Variants in BCO2 observed in about 807,000 individuals in gnomAD.
BCO2 encodes carotenoid-cleaving dioxygenase, mitochondrial.
Under a neutral mutation model 65.8 loss-of-function variants are expected in BCO2, and 56 were observed. The ratio of observed to expected loss-of-function variants is 0.85; its 90% CI spans 0.69 to 1.06. The LOEUF (loss-of-function observed/expected upper bound fraction) is 1.06, where lower values mean the gene tolerates loss of function less well. Among genes scored for constraint, BCO2 ranks in the 50% least tolerant of loss-of-function variants. The pLI is 0.00. For missense variants in BCO2, 675 were observed against 698.5 expected (o/e 0.97, Z 0.38); for synonymous variants, 233 against 242.3 (o/e 0.96, Z 0.36).
At chr11:112,193,360 G>A in intron 2 of BCO2, 114 bp from the exon 3 acceptor site, 1 of 994,736 alleles carries the variant, frequency 1.0e-6, no homozygotes, top group Non-Finnish European at 1.5e-6. Context: ...AGGTTGTGCT[G>A]GGAACCTGTC....
Position 112,193,584 on chromosome 11 carries a change from G to A in BCO2, c.404G>A (p.Ser135Asn). 6.2e-7 allele frequency: 1 copy of A among 1,614,164 alleles called. No homozygotes were observed. Among genetic ancestry groups the A allele is most frequent in the Non-Finnish European group, 8.5e-7 (1 of 1,180,010 alleles). Residue 135 changes from serine (S) to asparagine (N), a missense_variant, in exon 3 of 12, where the codon AGT (serine) becomes AAT (asparagine). Coordinates refer to ENST00000357685, the MANE Select transcript of BCO2 (RefSeq NM_031938.7). ...FLQSDTYKANSAKNRIVISEF... is the reference protein window; with the variant it reads ...FLQSDTYKANNAKNRIVISEF... ...CAGAGTGATACATATAAGGCCAACA[G>A]TGCTAAAAACCGAATTGTGATCTCA...
chr11:112,193,776 T>G, intron 3 of BCO2, 79 bp downstream of exon 3: 1 of 1,539,660 alleles, frequency 6.5e-7, no homozygotes, highest in Non-Finnish European at 9.0e-7. Flanking sequence ...GATTTTTTTG[T>G]GTATGTGAGA....
chr11:112,216,922 G>A (rs1483816857), intron 11 of BCO2, among the ~76,000 whole-genome samples: 1 of 152,202 alleles, frequency 6.6e-6, no homozygotes, highest in Non-Finnish European at 1.5e-5. Context: ...CCTTTTAAGG[G>A]TTCAGTAAGA....
At chr11:112,192,264 C>T (rs1867412630) in intron 2 of BCO2, among the ~76,000 whole-genome samples, 2 of 152,232 alleles carry the variant, frequency 1.3e-5, no homozygotes, top group South Asian at 4.1e-4. Context: ...GACAGGATTT[C>T]CTTTGTTTTA....
chr11:112,215,791 T>TC (rs1248825100), intron 10 of BCO2: 2 of 158,768 alleles, frequency 1.3e-5, no homozygotes, highest in Non-Finnish European at 2.8e-5. Context: ...GGCTCATAGT[T>TC]CTGTGGGATG....
At position 112,175,593 on chromosome 11, in the gene BCO2, A is replaced by T. The variant is rs1866861509; in HGVS notation, c.-9A>T. 2 of 1,606,152 alleles carry T rather than the reference A, an allele frequency of 1.2e-6. No homozygotes were observed. The highest frequency in any genetic ancestry group is 2.7e-5 in the African/African-American group (2 of 74,884). On this transcript the variant is annotated 5_prime_UTR_variant, in exon 1 of 12. Coordinates refer to ENST00000357685, the MANE Select transcript of BCO2 (RefSeq NM_031938.7). ...GATTTGGAAATCACTGGATCTGCTC[A>T]ATACAAAAATGTTTTTTCGAGTCTT...
chr11:112,180,250 G>A (rs925034819), intron 2 of BCO2, among the ~76,000 whole-genome samples: 5 of 152,138 alleles, frequency 3.3e-5, no homozygotes, highest in Non-Finnish European at 7.3e-5. Flanking sequence ...GCAGAACTTT[G>A]TGGCATTTTT....
intron 8 of BCO2, among the ~76,000 whole-genome samples, chr11:112,211,822 C>A (rs1295351787): frequency 6.6e-6 from 1 of 152,134 alleles, no homozygotes; most frequent in Non-Finnish European, 1.5e-5. Flanking sequence ...CTTTGTTCTT[C>A]ACTGTCTTTT....
At chr11:112,181,241 G>C in intron 2 of BCO2, 1 of 644,380 alleles carries the variant, frequency 1.6e-6, no homozygotes, top group East Asian at 3.0e-5. Flanking sequence ...GAGTGCAGTG[G>C]CGGGATCTCG....
chr11:112,182,119 A>G (rs1048850784), intron 2 of BCO2, among the ~76,000 whole-genome samples: 1 of 152,252 alleles, frequency 6.6e-6, no homozygotes, highest in Non-Finnish European at 1.5e-5. Context: ...ATCACTGGCC[A>G]TCAGAGAAAT....
chr11:112,179,279 T>C lies in BCO2; in HGVS notation c.90T>C (p.Val30=). The stretch of plus-strand genomic sequence containing the variant: ...GTGCTTTTGGTTTCCTCTGCACAGT[T>C]TTCAAAAGGTACATGGGAAATACTC... ...FLPVMVHRLP[V]FKRYMGNTPQ... The change falls in exon 2 of 12, where the codon GTT becomes GTC. Residue 30 remains valine (V), a splice_region_variant and synonymous_variant. Coordinates refer to ENST00000357685, the MANE Select transcript of BCO2 (RefSeq NM_031938.7). 6.2e-7 allele frequency: 1 copy of C among 1,614,110 alleles called. No homozygotes were observed. Among genetic ancestry groups the C allele is most frequent in the Non-Finnish European group, 8.5e-7 (1 of 1,179,978 alleles).
chr11:112,217,824 G>A lies in BCO2; in HGVS notation c.1690G>A (p.Val564Ile), dbSNP rs1859729358. ...CTTTGAAGAGCTGGGCCGAGCAGAG[G>A]TACCTGTGCAGATGCCTTATGGGTT... is the stretch of plus-strand genomic sequence containing the variant. ...KNFEELGRAE[V>I]PVQMPYGFHG... Residue 564 changes from valine to isoleucine, a missense_variant, in exon 12 of 12, where the codon GTA becomes ATA. By Grantham distance (29) the Val-to-Ile change is conservative. Transcript: ENST00000357685. 1 of 1,614,154 alleles carries A rather than the reference G, an allele frequency of 6.2e-7. No individual in the cohort carries two copies. Among genetic ancestry groups the A allele is most frequent in the Non-Finnish European group, 8.5e-7 (1 of 1,180,014 alleles).
rs756419342 is a variant in BCO2 at position 112,217,782 on chromosome 11, G to C, written c.1648G>C (p.Val550Leu). 6.2e-7 allele frequency: 1 copy of C among 1,613,060 alleles called. No individual in the cohort carries two copies. The highest frequency in any genetic ancestry group is 8.5e-7 in the Non-Finnish European group (1 of 1,179,432). ...CTAGAATGAAAGCAATTTTATCCTA[G>C]TTTTGGATGCCAAGAACTTTGAAGA... ...PNQNESNFIL[V>L]LDAKNFEELG... The change falls in exon 12 of 12, where the codon GTT (valine) becomes CTT (leucine). Residue 550 changes from valine to leucine, a missense_variant. Val to Leu is a conservative substitution (Grantham distance 32). Coordinates refer to ENST00000357685, the MANE Select transcript of BCO2 (RefSeq NM_031938.7).
intron 2 of BCO2, among the ~76,000 whole-genome samples, chr11:112,189,764 A>T (rs187148986): frequency 2.6e-5 from 4 of 152,278 alleles, no homozygotes; most frequent in South Asian, 2.1e-4. Flanking sequence ...TATTAAGGAA[A>T]TGTTTCTCAA....
chr11:112,178,180 G>T (rs939633792), intron 1 of BCO2, among the ~76,000 whole-genome samples: 3 of 152,022 alleles, frequency 2.0e-5, no homozygotes, highest in Non-Finnish European at 4.4e-5. Context: ...CTCCCAAAGT[G>T]CTGGGATTAC....
chr11:112,190,842 G>A (rs993100247), intron 2 of BCO2, among the ~76,000 whole-genome samples: 8 of 141,168 alleles, frequency 5.7e-5, no homozygotes, highest in Non-Finnish European at 1.2e-4. Context: ...GGGCGACAGA[G>A]TGAGACTCTG....
In BCO2 at chr11:112,194,763, T is replaced by C; in HGVS notation, c.736+8T>C. On this transcript the variant is annotated splice_region_variant and intron_variant, in intron 5 of 11. Transcript: ENST00000357685. ...ACTCCTTTGGGCCATATGGTAAAGT[T>C]GCAATAAAGGTCTTTTTAGAAATAA... 6.5e-7 allele frequency: 1 copy of C among 1,532,044 alleles called. No individual in the cohort carries two copies. 94.9% of individuals were successfully genotyped at this position (1,532,044 alleles called of 1,614,324 possible). A position where few individuals can be genotyped will look rare whatever the true frequency, so the allele number is the denominator to read the frequency against.
chr11:112,180,622 C>T lies in BCO2; in HGVS notation c.293+1140C>T, dbSNP rs190531209. Among the ~76,000 whole-genome samples, 217 of 149,624 alleles carry T rather than the reference C, an allele frequency of 1.5e-3. 3 individuals are homozygous for T. The highest frequency in any genetic ancestry group is 5.0e-3 in the Admixed American group (74 of 14,862). ...TGAGCCCTGGGTGTGGGACAGAGTG[C>T]ATGTGTGTGGTGTGTCCCCAAGGGC... On this transcript the variant is annotated intron_variant, in intron 2 of 11. Coordinates refer to ENST00000357685, the MANE Select transcript of BCO2 (RefSeq NM_031938.7).
chr11:112,184,478 C>T (rs560451237), intron 2 of BCO2, among the ~76,000 whole-genome samples: 1 of 152,198 alleles, frequency 6.6e-6, no homozygotes, highest in East Asian at 1.9e-4. Flanking sequence ...TGGTCTCGAT[C>T]TCCTGACCTC....
Sources: allele counts gnomAD v4.1 joint callset (sites outside exome capture counted in the v4.1 genomes callset), GRCh38; gene constraint gnomAD v4.1.1; transcripts MANE v1.5; gene names NCBI Gene and HGNC (gene_info 2026-07-23, HGNC 2026-07-21).